The following SEMA4D variants were observed in gnomAD, a reference collection of about 807,000 sequenced individuals.
The protein encoded by SEMA4D is semaphorin-4D.
A neutral mutation model predicts 74.8 loss-of-function variants in SEMA4D; 22 were observed. The ratio of observed to expected loss-of-function variants is 0.29; its 90% CI spans 0.21 to 0.42. The LOEUF (loss-of-function observed/expected upper bound fraction) is 0.42, where lower values mean the gene tolerates loss of function less well. SEMA4D is among the 10% of genes least tolerant of loss of function. The pLI is 1.00. For synonymous variants in SEMA4D, 445 were observed against 463.7 expected, an observed-to-expected ratio of 0.96 and a Z score of 0.52; for missense variants, 937 against 1,118.4, an observed-to-expected ratio of 0.84 and a Z score of 2.31.
At chr9:89,452,420 C>T (rs995628720) in intron 2 of SEMA4D, among the ~76,000 whole-genome samples, 6 of 151,876 alleles carry the variant, frequency 4.0e-5, no homozygotes, top group East Asian at 1.9e-4. Context: ...CCTCGTGATC[C>T]GCCAGCCCCG....
chr9:89,418,442 G>A, intron 2 of SEMA4D: 4 of 985,150 alleles, frequency 4.1e-6, no homozygotes, highest in Non-Finnish European at 4.8e-6. Context: ...CAGAGTCTGT[G>A]AACCAAAAAA....
intron 1 of SEMA4D, among the ~76,000 whole-genome samples, chr9:89,482,795 T>G (rs1048094023): frequency 1.3e-5 from 2 of 152,196 alleles, no homozygotes; most frequent in African/African-American, 4.8e-5. Flanking sequence ...GTCTCCTCGC[T>G]GAGAAAAGAG....
downstream of SEMA4D, chr9:89,377,178 T>C: frequency 7.1e-7 from 1 of 1,400,060 alleles, no homozygotes; most frequent in Admixed American, 3.0e-5. Flanking sequence ...CTGTCCCGCC[T>C]GGGCCATGCA....
chr9:89,463,935 G>T (rs1026236506), intron 1 of SEMA4D, among the ~76,000 whole-genome samples: 2 of 81,388 alleles, frequency 2.5e-5, no homozygotes, highest in Non-Finnish European at 5.1e-5. Context: ...CTCCGTCTCA[G>T]ACAAAAAAAA....
At chr9:89,398,928 G>T (rs1470310516) in intron 5 of SEMA4D, among the ~76,000 whole-genome samples, 1 of 152,242 alleles carries the variant, frequency 6.6e-6, no homozygotes, top group Admixed American at 6.5e-5. Context: ...GTGCAAGGAG[G>T]CAGAACAAAC....
intron 1 of SEMA4D, among the ~76,000 whole-genome samples, chr9:89,479,152 G>A (rs1040570076): frequency 7.2e-5 from 11 of 152,106 alleles, no homozygotes; most frequent in Non-Finnish European, 1.5e-4. Context: ...CTCCTTCCTT[G>A]GCATCACAGG....
intron 2 of SEMA4D, among the ~76,000 whole-genome samples, chr9:89,423,655 C>CCAGAACAGGCCTCTGCCCCTT (rs1485563080): frequency 6.6e-6 from 1 of 152,044 alleles, no homozygotes; most frequent in Non-Finnish European, 1.5e-5. Context: ...GCTGTGTGAC[C>CCAGAACAGGCCTCTGCCCCTT]CAGAACAGGC....
At chr9:89,413,364 G>A (rs1844944091) in intron 2 of SEMA4D, among the ~76,000 whole-genome samples, 1 of 152,242 alleles carries the variant, frequency 6.6e-6, no homozygotes, top group African/African-American at 2.4e-5. Flanking sequence ...ATCAAGGCAG[G>A]AGATCACAGC....
intron 1 of SEMA4D, among the ~76,000 whole-genome samples, chr9:89,495,177 G>A (rs1825911544): frequency 6.6e-6 from 1 of 152,170 alleles, no homozygotes; most frequent in Non-Finnish European, 1.5e-5. Context: ...TGGGAAGGCG[G>A]CTGCTGATGC....
chr9:89,381,038 G>A lies in SEMA4D; in HGVS notation c.1663+17C>T, dbSNP rs550732332. On this transcript the variant is annotated intron_variant, in intron 15 of 15. Transcript: ENST00000422704. The surrounding 1 kb of genome is among the most constrained non-coding windows in gnomAD (Gnocchi z 4.6). ...TCGCCACTCCCAAAGGAAATGGGAC[G>A]TCGAGGAGTCACTCACCCGGGCACA... is the stretch of plus-strand genomic sequence containing the variant. 1.2e-5 allele frequency: 20 copies of A among 1,614,044 alleles called. No homozygotes were observed. In the East Asian group the frequency reaches 2.2e-4, roughly 18 times the overall value.
chr9:89,482,390 G>A (rs1432759801), intron 1 of SEMA4D, among the ~76,000 whole-genome samples: 3 of 152,292 alleles, frequency 2.0e-5, no homozygotes, highest in East Asian at 3.9e-4. Context: ...GGCCACACTC[G>A]TTACGGTTTA....
At chr9:89,384,308 G>A (rs1482891029) in intron 13 of SEMA4D, among the ~76,000 whole-genome samples, 1 of 152,202 alleles carries the variant, frequency 6.6e-6, no homozygotes, top group African/African-American at 2.4e-5. Flanking sequence ...ATACGACAGA[G>A]GAGTATGTAG....
chr9:89,391,292 A>G lies in SEMA4D; in HGVS notation c.746T>C (p.Leu249Pro), dbSNP rs1198553854. The G allele has an allele frequency of 1.2e-6, 2 of 1,614,124 alleles. No homozygotes were observed. The highest frequency in any genetic ancestry group is 1.3e-5 in the African/African-American group (1 of 74,942). Reference protein sequence around the residue: ...SVEYEFVFRVLIPRIARVCKG... With the variant: ...SVEYEFVFRVPIPRIARVCKG... ...GCACACTCTTGCTATCCGTGGGATC[A>G]GCACCCTGAACACAAACTCATACTC... Residue 249 changes from leucine (L) to proline (P), a missense_variant, in exon 9 of 16, where the codon CTG becomes CCG. Transcript: ENST00000422704.
chr9:89,447,441 C>A (rs1428749055), intron 2 of SEMA4D, among the ~76,000 whole-genome samples: 1 of 152,022 alleles, frequency 6.6e-6, no homozygotes, highest in Non-Finnish European at 1.5e-5. Flanking sequence ...GGTGGAAGCC[C>A]ACTTGGAGCC....
At chr9:89,413,291 C>T (rs1844928223) in intron 2 of SEMA4D, among the ~76,000 whole-genome samples, 1 of 152,174 alleles carries the variant, frequency 6.6e-6, no homozygotes, top group African/African-American at 2.4e-5. Context: ...GCTCTGAGCC[C>T]CACACTCTTT....
intron 16 of SEMA4D, among the ~76,000 whole-genome samples, chr9:89,371,439 G>T (rs1588109866): frequency 8.5e-6 from 1 of 117,916 alleles, no homozygotes; most frequent in Middle Eastern, 5.3e-3. Context: ...TGTGTGTGTG[G>T]GGTGTGGTGT....
At chr9:89,491,426 C>T (rs1050097874) in intron 1 of SEMA4D, among the ~76,000 whole-genome samples, 1 of 152,154 alleles carries the variant, frequency 6.6e-6, no homozygotes, top group African/African-American at 2.4e-5. Flanking sequence ...AAAAATTAGC[C>T]GGGCATGGTG....
chr9:89,414,470 G>C (rs942052472), intron 2 of SEMA4D, among the ~76,000 whole-genome samples: 1 of 152,174 alleles, frequency 6.6e-6, no homozygotes, highest in Non-Finnish European at 1.5e-5. Context: ...CTGGGAAACA[G>C]AAGACACCAC....
chr9:89,435,105 C>T (rs931577289), intron 2 of SEMA4D, among the ~76,000 whole-genome samples: 30 of 152,090 alleles, frequency 2.0e-4, no homozygotes, highest in African/African-American at 6.5e-4. Flanking sequence ...GGGAAGGGGC[C>T]GGCCAAGGCG....
Sources: allele counts gnomAD v4.1 joint callset (sites outside exome capture counted in the v4.1 genomes callset), GRCh38; gene constraint gnomAD v4.1.1; non-coding constraint Gnocchi (gnomAD v3.1); transcripts MANE v1.5; gene names NCBI Gene and HGNC (gene_info 2026-07-23, HGNC 2026-07-21).